Variants in GRIK2 observed in about 807,000 individuals in gnomAD.
GRIK2 encodes glutamate ionotropic receptor kainate type subunit 2, also known as glutamate receptor ionotropic, kainate 2.
A neutral mutation model predicts 100.3 loss-of-function variants in GRIK2; 32 were observed. The ratio of observed to expected loss-of-function variants is 0.32; its 90% CI spans 0.24 to 0.43. GRIK2 has a LOEUF of 0.43. Ranked by LOEUF, GRIK2 falls within the 20% of genes least tolerant of loss-of-function variation. GRIK2 has a pLI of 1.00. For missense variants in GRIK2, 843 were observed against 1,114.9 expected (o/e 0.76, Z 3.47); for synonymous variants, 417 against 389.4 (o/e 1.07, Z -0.83).
At chr6:101,827,616 G>A (rs369309774) in intron 10 of GRIK2, among the ~76,000 whole-genome samples, 4 of 151,814 alleles carry the variant, frequency 2.6e-5, no homozygotes, top group African/African-American at 9.7e-5. Context: ...AAAAAGGACA[G>A]GGATTGCTAT....
chr6:101,419,113 G>T (rs9373612), intron 2 of GRIK2, among the ~76,000 whole-genome samples: 104,600 of 152,060 alleles, frequency 0.69, 36,284 homozygotes, highest in East Asian at 0.92. Context: ...GGGGTAGACA[G>T]CTATGATGAC....
chr6:102,021,423 A>G (rs1769417945), intron 14 of GRIK2, among the ~76,000 whole-genome samples: 2 of 126,812 alleles, frequency 1.6e-5, no homozygotes, highest in African/African-American at 3.4e-5. Flanking sequence ...ATGTAAATAT[A>G]TTACAAATAA....
At chr6:101,442,370 G>A (rs1770117193) in intron 2 of GRIK2, among the ~76,000 whole-genome samples, 1 of 152,090 alleles carries the variant, frequency 6.6e-6, no homozygotes, top group Non-Finnish European at 1.5e-5. Context: ...AACAGGAGAG[G>A]CCAGGCTCCT....
intron 2 of GRIK2, chr6:101,430,501 G>T: frequency 5.2e-6 from 1 of 193,572 alleles, no homozygotes; most frequent in South Asian, 1.0e-4. Context: ...CAGTGGGGGT[G>T]ATGATCTTGA....
At chr6:101,401,403 C>T (rs1381670133) in intron 2 of GRIK2, among the ~76,000 whole-genome samples, 1 of 152,154 alleles carries the variant, frequency 6.6e-6, no homozygotes, top group African/African-American at 2.4e-5. Flanking sequence ...CACGCACACA[C>T]ATACACACAC....
intron 7 of GRIK2, among the ~76,000 whole-genome samples, chr6:101,738,081 G>A (rs1324996161): frequency 1.3e-5 from 2 of 151,660 alleles, no homozygotes; most frequent in African/African-American, 4.8e-5. Context: ...TATGTAACTT[G>A]GTATTAAACC....
chr6:101,690,226 T>C (rs747904193), intron 7 of GRIK2, among the ~76,000 whole-genome samples: 1 of 152,072 alleles, frequency 6.6e-6, no homozygotes, highest in Non-Finnish European at 1.5e-5. Flanking sequence ...TATCAGTATT[T>C]TTTTTCTTGT....
At chr6:101,932,160 A>T (rs908322875) in intron 14 of GRIK2, among the ~76,000 whole-genome samples, 1 of 151,920 alleles carries the variant, frequency 6.6e-6, no homozygotes, top group Non-Finnish European at 1.5e-5. Context: ...GAAATCCATG[A>T]CTCAAGTTTT....
intron 12 of GRIK2, among the ~76,000 whole-genome samples, chr6:101,897,993 C>T (rs376232080): frequency 6.6e-6 from 1 of 151,386 alleles, no homozygotes; most frequent in African/African-American, 2.4e-5. Context: ...AGGTGAGGGA[C>T]AATTGAGAGA....
chr6:101,751,430 C>T lies in GRIK2; in HGVS notation c.952-48218C>T, dbSNP rs9404138. Reference sequence around the variant, plus strand: ...TTTCCATTTTATATCATAGTAAATCCGAGACATCACATCATTTTATTGATA... The same window carrying T: ...TTTCCATTTTATATCATAGTAAATCTGAGACATCACATCATTTTATTGATA... On this transcript the variant is annotated intron_variant, in intron 7 of 16. Transcript: ENST00000369134. 9.3e-4 allele frequency among the ~76,000 whole-genome samples: 141 copies of T among 151,848 alleles called. 2 individuals are homozygous for T. The East Asian group carries it at 0.023, about 25-fold the overall frequency.
intron 4 of GRIK2, among the ~76,000 whole-genome samples, chr6:101,659,931 T>C (rs1181489459): frequency 6.6e-6 from 1 of 152,148 alleles, no homozygotes; most frequent in Non-Finnish European, 1.5e-5. Context: ...CCTTGGTGAA[T>C]CTGACGATTA....
At chr6:101,928,099 C>A in intron 13 of GRIK2, 1 of 264,276 alleles carries the variant, frequency 3.8e-6, no homozygotes, top group Non-Finnish European at 7.2e-6. Flanking sequence ...ACCAGAAAGC[C>A]TAAAAAATCT....
chr6:101,918,294 A>G (rs1789252106), intron 12 of GRIK2, among the ~76,000 whole-genome samples: 1 of 151,684 alleles, frequency 6.6e-6, no homozygotes, highest in African/African-American at 2.4e-5. Flanking sequence ...AAAGTGTTCA[A>G]ATGTGTAAAA....
At chr6:101,792,916 CT>C (rs1228944854) in intron 7 of GRIK2, among the ~76,000 whole-genome samples, 1 of 151,960 alleles carries the variant, frequency 6.6e-6, no homozygotes, top group Non-Finnish European at 1.5e-5. Context: ...TCTTTTTATT[CT>C]TTTTTCTCTA....
chr6:101,670,660 A>G (rs1471200114), intron 4 of GRIK2, among the ~76,000 whole-genome samples: 1 of 152,132 alleles, frequency 6.6e-6, no homozygotes, highest in African/African-American at 2.4e-5. Flanking sequence ...TTTGGCAATG[A>G]GTTAATTTCT....
chr6:101,691,598 G>T (rs565191240), intron 7 of GRIK2, among the ~76,000 whole-genome samples: 3 of 152,092 alleles, frequency 2.0e-5, no homozygotes, highest in African/African-American at 7.2e-5. Flanking sequence ...CACTGCGCTC[G>T]GCCATTAGAA....
chr6:101,921,065 A>G (rs545744803), intron 12 of GRIK2, among the ~76,000 whole-genome samples: 28 of 152,168 alleles, frequency 1.8e-4, no homozygotes, highest in Non-Finnish European at 2.9e-5. Context: ...TGGGAAGGGC[A>G]AGAAATGAAA....
chr6:101,763,650 A>T (rs983293051), intron 7 of GRIK2, among the ~76,000 whole-genome samples: 1 of 152,200 alleles, frequency 6.6e-6, no homozygotes, highest in Non-Finnish European at 1.5e-5. Context: ...ATTTGGCCAG[A>T]TGAAATAGTA....
intron 2 of GRIK2, among the ~76,000 whole-genome samples, chr6:101,459,538 T>C (rs925830091): frequency 6.6e-5 from 10 of 152,176 alleles, no homozygotes; most frequent in African/African-American, 2.4e-4. Context: ...TTGGAAATGG[T>C]AGTGGTGATT....
Sources: gnomAD v4.1 joint callset for allele counts (sites outside exome capture counted in the v4.1 genomes callset) on GRCh38, gnomAD v4.1.1 for gene constraint, MANE v1.5 for transcripts, NCBI Gene and HGNC (gene_info 2026-07-23, HGNC 2026-07-21) for gene names.